Variants in CLASP1 observed in about 807,000 individuals in gnomAD.
CLASP1 encodes the protein CLIP-associating protein 1.
In CLASP1, 38 loss-of-function variants were observed where a neutral mutation model predicts 192.3. The observed-to-expected ratio is 0.20, with a 90% CI of 0.15 to 0.26. CLASP1 has a LOEUF of 0.26. Among genes scored for constraint, CLASP1 ranks in the 10% least tolerant of loss-of-function variants. The pLI is 1.00. For synonymous variants in CLASP1, 691 were observed against 712.8 expected (o/e 0.97, Z 0.49); for missense variants, 1,433 against 1,932.5 (o/e 0.74, Z 4.85).
At chr2:121,462,729 G>T (rs559312186) in intron 9 of CLASP1, 124 bp from the exon 10 acceptor site, 2 of 629,882 alleles carry the variant, frequency 3.2e-6, no homozygotes, top group South Asian at 4.1e-5. Context: ...TTTTTTAAAA[G>T]GCTTCATATA....
chr2:121,478,652 ACACACACACCCCC>A (rs2091981195), intron 8 of CLASP1, among the ~76,000 whole-genome samples: 2 of 89,908 alleles, frequency 2.2e-5, no homozygotes, highest in African/African-American at 4.5e-5. Context: ...CACCCCCCAC[ACACACACACCCCC>A]CACACACACC....
chr2:121,404,393 A>C, exon 26 of CLASP1: 1 of 1,612,606 alleles, frequency 6.2e-7, no homozygotes, highest in Non-Finnish European at 8.5e-7. Flanking sequence ...GTCAGCAAAC[A>C]TCCGAGTGAA....
At chr2:121,356,951 G>A (rs759522532) in intron 37 of CLASP1, among the ~76,000 whole-genome samples, 7 of 102,318 alleles carry the variant, frequency 6.8e-5, no homozygotes, top group Non-Finnish European at 1.2e-4. Context: ...CTGTCCTGGA[G>A]ATGCTGCAGA....
intron 28 of CLASP1, 93 bp downstream of exon 29, chr2:121,401,416 G>C: frequency 1.1e-6 from 1 of 918,622 alleles, no homozygotes; most frequent in South Asian, 1.7e-5. Flanking sequence ...ATTCAAGGGG[G>C]TGACAAAGGC....
At chr2:121,606,379 AAAG>A (rs1361352228) in intron 1 of CLASP1, among the ~76,000 whole-genome samples, 199 bp from the exon 2 acceptor site, 2 of 152,232 alleles carry the variant, frequency 1.3e-5, no homozygotes, top group African/African-American at 2.4e-5. Context: ...ATCGAAGCCC[AAAG>A]AAGAGCCAAT....
At chr2:121,611,680 G>T (rs1346520604) in intron 1 of CLASP1, among the ~76,000 whole-genome samples, 2 of 148,804 alleles carry the variant, frequency 1.3e-5, no homozygotes, top group African/African-American at 5.0e-5. Context: ...GGAACTGGAG[G>T]AGGAGGAGTT....
chr2:121,387,855 T>C, exon 31 of CLASP1: 2 of 1,612,718 alleles, frequency 1.2e-6, no homozygotes, highest in Admixed American at 1.7e-5. Context: ...AGTAACATGG[T>C]AAATTCAGGA....
At chr2:121,566,750 T>A (rs1486534348) in intron 2 of CLASP1, among the ~76,000 whole-genome samples, 2 of 152,164 alleles carry the variant, frequency 1.3e-5, no homozygotes, top group East Asian at 1.9e-4. Flanking sequence ...ATTCCAGTAA[T>A]CCATCCTCAA....
intron 6 of CLASP1, among the ~76,000 whole-genome samples, chr2:121,522,025 A>C (rs1269708879): frequency 6.6e-6 from 1 of 152,296 alleles, no homozygotes; most frequent in South Asian, 2.1e-4. Flanking sequence ...GCTACACAAG[A>C]ACCCCAGAAG....
At chr2:121,344,169 G>GT (rs2063146435) in intron 39 of CLASP1, among the ~76,000 whole-genome samples, 2 of 152,056 alleles carry the variant, frequency 1.3e-5, no homozygotes, top group Non-Finnish European at 2.9e-5. Flanking sequence ...CATAAAACTC[G>GT]TAAGTGGGGA....
intron 36 of CLASP1, 133 bp from the exon 38 acceptor site, chr2:121,363,433 T>A: frequency 1.0e-6 from 1 of 962,284 alleles, no homozygotes; most frequent in African/African-American, 1.6e-5. Flanking sequence ...TCTAAACAGA[T>A]CACACAGTTC....
At chr2:121,338,821 A>G (rs1228336420) in exon 40 of CLASP1, 1 of 152,276 alleles carries the variant, frequency 6.6e-6, no homozygotes, top group Non-Finnish European at 1.5e-5. Context: ...CAAAGAGCTC[A>G]AGGAGAAAGG....
chr2:121,365,902 A>T (rs148501023), intron 35 of CLASP1, among the ~76,000 whole-genome samples: 2 of 152,370 alleles, frequency 1.3e-5, no homozygotes, highest in Non-Finnish European at 2.9e-5. Context: ...CAGGGCTGTG[A>T]ACACGGTTTC....
intron 14 of CLASP1, among the ~76,000 whole-genome samples, chr2:121,456,445 A>G (rs1644917451): frequency 6.6e-6 from 1 of 151,520 alleles, no homozygotes; most frequent in African/African-American, 2.4e-5. Context: ...AGTGTGCTGC[A>G]CTCCAGCCTG....
At chr2:121,347,716 C>A (rs919904720) in intron 38 of CLASP1, among the ~76,000 whole-genome samples, 2 of 152,220 alleles carry the variant, frequency 1.3e-5, no homozygotes, top group African/African-American at 2.4e-5. Context: ...CCAGCTGGGG[C>A]TACCTGCTGC....
intron 1 of CLASP1, among the ~76,000 whole-genome samples, chr2:121,617,683 G>A (rs183267314): frequency 1.3e-5 from 2 of 152,298 alleles, no homozygotes; most frequent in East Asian, 3.9e-4. Context: ...GAAAACAAAT[G>A]CTTATGCCTT....
In CLASP1 at chr2:121,614,806, G is replaced by C. The variant is rs115655594; in HGVS notation, c.-285-8626C>G. Among the ~76,000 whole-genome samples, 1,079 of 152,216 alleles carry C rather than the reference G, an allele frequency of 7.1e-3. 12 individuals are homozygous for C. The highest frequency in any genetic ancestry group is 0.024 in the African/African-American group (991 of 41,520). On this transcript the variant is annotated intron_variant, in intron 1 of 39. Coordinates refer to ENST00000263710, the Ensembl canonical transcript of CLASP1. ...AAAGAGTTTCCAGCATACTCAGAGA[G>C]GACAAGACATACATACACAGAAAAG...
rs767541670 is a variant in CLASP1, at chr2:121,528,663, T to C, written c.378+14A>G. The C allele has an allele frequency of 1.9e-6, 3 of 1,612,612 alleles. No homozygotes were observed. The highest frequency in any genetic ancestry group is 4.5e-5 in the East Asian group (2 of 44,872). ...ACTGGCCAGCTGACCTCAAAACACATCTCTTGCCCCTACCTGGGGATTAGC... is the reference window on the plus strand; with the variant it reads ...ACTGGCCAGCTGACCTCAAAACACACCTCTTGCCCCTACCTGGGGATTAGC... On this transcript the variant is annotated intron_variant, in intron 4 of 39. Transcript: ENST00000263710.
chr2:121,636,164 C>G (rs910330286), intron 1 of CLASP1, among the ~76,000 whole-genome samples: 3 of 151,140 alleles, frequency 2.0e-5, no homozygotes, highest in African/African-American at 7.3e-5. Context: ...TGGAGAAACC[C>G]GGTCTCTACT....
Sources: gnomAD v4.1 joint callset for allele counts (sites outside exome capture counted in the v4.1 genomes callset) on GRCh38, gnomAD v4.1.1 for gene constraint, MANE v1.5 for transcripts, NCBI Gene and HGNC (gene_info 2026-07-23, HGNC 2026-07-21) for gene names.